MAPRE1: variants seen among roughly 807,000 people sequenced by gnomAD.
The protein encoded by MAPRE1 is microtubule-associated protein RP/EB family member 1.
In MAPRE1, 5 loss-of-function variants were observed where a neutral mutation model predicts 32.1. The ratio of observed to expected loss-of-function variants is 0.16; its 90% confidence interval spans 0.08 to 0.33. MAPRE1 has a LOEUF of 0.33. Ranked by LOEUF, MAPRE1 falls within the 10% of genes least tolerant of loss-of-function variation. The probability of loss-of-function intolerance (pLI) is 1.00; values close to 1 mark genes in which losing one functional copy is unlikely to be tolerated. For missense variants in MAPRE1, 209 were observed against 327.2 expected (o/e 0.64, Z 2.79); for synonymous variants, 122 against 118.9 (o/e 1.03, Z -0.17).
At chr20:32,846,807 T>C (rs760440638) in intron 6 of MAPRE1, 37 bp downstream of exon 6, 1 of 1,604,882 alleles carries the variant, frequency 6.2e-7, no homozygotes, top group South Asian at 1.1e-5. Context: ...CTTTCCATTT[T>C]ACATAGAAGG....
intron 4 of MAPRE1, among the ~76,000 whole-genome samples, chr20:32,838,288 C>G (rs997162895): frequency 6.6e-6 from 1 of 152,136 alleles, no homozygotes; most frequent in East Asian, 1.9e-4. Flanking sequence ...CTGCTGTTTT[C>G]AAGGTTCATC....
intron 6 of MAPRE1, among the ~76,000 whole-genome samples, chr20:32,847,757 T>C (rs1301074930): frequency 1.3e-5 from 2 of 152,172 alleles, no homozygotes; most frequent in Non-Finnish European, 1.5e-5. Context: ...AGAAGTCTGA[T>C]TTTACAGCAG....
intron 6 of MAPRE1, 75 bp from the exon 7 acceptor site, chr20:32,848,597 G>C: frequency 8.8e-7 from 1 of 1,135,422 alleles, no homozygotes; most frequent in Non-Finnish European, 1.3e-6. Flanking sequence ...TTAAGAGGCT[G>C]TAAGTATGAG....
intron 2 of MAPRE1, among the ~76,000 whole-genome samples, chr20:32,826,519 CT>C (rs71338460): frequency 0.029 from 1,329 of 46,444 alleles, 5 homozygotes; most frequent in Non-Finnish European, 0.033. Flanking sequence ...CACGCCCGGC[CT>C]TTTTTTTTTT....
chr20:32,823,200 CTCT>C (rs1982748100), intron 1 of MAPRE1, among the ~76,000 whole-genome samples: 1 of 152,240 alleles, frequency 6.6e-6, no homozygotes, highest in South Asian at 2.1e-4. Context: ...GTGGATTTGC[CTCT>C]TCTGGCTGTC....
At chr20:32,843,200 C>T (rs996246899) in intron 5 of MAPRE1, 1 of 152,098 alleles carries the variant, frequency 6.6e-6, no homozygotes, top group African/African-American at 2.4e-5. Context: ...AAGTCCTTCC[C>T]TTACCTGTTA....
intron 2 of MAPRE1, among the ~76,000 whole-genome samples, chr20:32,832,164 G>T (rs972192449): frequency 6.6e-6 from 1 of 152,128 alleles, no homozygotes; most frequent in Admixed American, 6.5e-5. Context: ...AACTGGTTCG[G>T]CCTGACCTCA....
chr20:32,824,022 C>T (rs1383849847), intron 1 of MAPRE1, among the ~76,000 whole-genome samples: 1 of 152,234 alleles, frequency 6.6e-6, no homozygotes, highest in Admixed American at 6.5e-5. Context: ...TTGCTTCTTT[C>T]TCTGATCCTT....
intron 1 of MAPRE1, among the ~76,000 whole-genome samples, chr20:32,821,634 T>C (rs753760650): frequency 1.2e-4 from 19 of 152,354 alleles, no homozygotes; most frequent in Middle Eastern, 6.8e-3. Flanking sequence ...TTACCCATTT[T>C]ACAGGATGAG....
At chr20:32,835,550 G>C (rs2146131251) in intron 3 of MAPRE1, among the ~76,000 whole-genome samples, 1 of 151,940 alleles carries the variant, frequency 6.6e-6, no homozygotes, top group East Asian at 1.9e-4. Flanking sequence ...TCCTGAGACT[G>C]ATTCTGCATC....
In MAPRE1 at chr20:32,831,400, GTTTC is replaced by G. The variant is rs754636659; in HGVS notation, c.122-2309_122-2306del. Among the ~76,000 whole-genome samples the G allele has an allele frequency of 4.1e-4, 61 of 147,804 alleles. 1 individual carries two copies. Among genetic ancestry groups the G allele is most frequent in the Non-Finnish European group, 5.8e-4 (39 of 67,072 alleles). On this transcript the variant is annotated intron_variant, in intron 2 of 6. Coordinates refer to ENST00000375571, the MANE Select transcript of MAPRE1 (RefSeq NM_012325.3). ...TAGAAATAGGGAAATAAATAAGAAT[GTTTC>G]TTTCTTTTTTTTTTATTCCTGTACA... is the stretch of plus-strand genomic sequence containing the variant.
intron 2 of MAPRE1, among the ~76,000 whole-genome samples, chr20:32,829,742 G>A (rs2146125642): frequency 6.6e-6 from 1 of 152,350 alleles, no homozygotes; most frequent in South Asian, 2.1e-4. Context: ...AATTTTGTCA[G>A]CAGTGGGCTC....
intron 3 of MAPRE1, among the ~76,000 whole-genome samples, chr20:32,834,074 G>C (rs935107876): frequency 7.2e-5 from 11 of 152,090 alleles, no homozygotes; most frequent in Non-Finnish European, 2.9e-5. Flanking sequence ...CGTCTGTGAA[G>C]TTAGTAACTG....
intron 2 of MAPRE1, among the ~76,000 whole-genome samples, chr20:32,831,616 A>G (rs1236348402): frequency 6.6e-6 from 1 of 151,416 alleles, no homozygotes; most frequent in Admixed American, 6.6e-5. Context: ...CACTGCAACC[A>G]TCGCCTCTCG....
intron 2 of MAPRE1, among the ~76,000 whole-genome samples, chr20:32,831,519 A>T (rs1310547995): frequency 1.4e-5 from 2 of 140,046 alleles, no homozygotes; most frequent in Non-Finnish European, 1.5e-5. Flanking sequence ...TTCATAAGTC[A>T]TTGTCTCTTT....
At chr20:32,835,836 C>T (rs899749905) in intron 3 of MAPRE1, among the ~76,000 whole-genome samples, 5 of 152,096 alleles carry the variant, frequency 3.3e-5, no homozygotes, top group African/African-American at 7.2e-5. Flanking sequence ...GAACTCCTGA[C>T]CTCAAGTGAT....
intron 5 of MAPRE1, among the ~76,000 whole-genome samples, chr20:32,844,003 G>C (rs980655692): frequency 6.6e-6 from 1 of 152,072 alleles, no homozygotes; most frequent in African/African-American, 2.4e-5. Context: ...ATAGGTGCCT[G>C]CCTCCACGCC....
chr20:32,824,073 A>T (rs1210114412), intron 1 of MAPRE1, among the ~76,000 whole-genome samples: 1 of 152,256 alleles, frequency 6.6e-6, no homozygotes, highest in Admixed American at 6.5e-5. Flanking sequence ...CTCTGACCAC[A>T]TTCCGTAAAC....
intron 5 of MAPRE1, among the ~76,000 whole-genome samples, chr20:32,842,235 G>A (rs1438138554): frequency 6.6e-6 from 1 of 152,020 alleles, no homozygotes; most frequent in African/African-American, 2.4e-5. Context: ...ACAGGCACCC[G>A]CCACCACGCC....
Sources: allele counts gnomAD v4.1 joint callset (sites outside exome capture counted in the v4.1 genomes callset), GRCh38; gene constraint gnomAD v4.1.1; transcripts MANE v1.5; gene names NCBI Gene and HGNC (gene_info 2026-07-23, HGNC 2026-07-21).